Variants in CCDC77 observed in about 807,000 individuals in gnomAD.
CCDC77 encodes coiled-coil domain-containing protein 77.
CCDC77 carries 56 observed loss-of-function variants against 66.8 expected under a neutral mutation model. The observed-to-expected ratio is 0.84, with a 90% CI of 0.68 to 1.05. The LOEUF (loss-of-function observed/expected upper bound fraction) is 1.05, where lower values mean the gene tolerates loss of function less well. Ranked by LOEUF, CCDC77 falls within the 50% of genes least tolerant of loss-of-function variation. The probability of loss-of-function intolerance (pLI) is 0.00; values close to 1 mark genes in which losing one functional copy is unlikely to be tolerated. For synonymous variants in CCDC77, 196 were observed against 195.2 expected (o/e 1.00, Z -0.03); for missense variants, 570 against 576.8 (o/e 0.99, Z 0.12).
At position 411,745 on chromosome 12, in the gene CCDC77, A is replaced by C; in HGVS notation, c.39-2A>C. The C allele has an allele frequency of 6.2e-7, 1 of 1,608,798 alleles. No individual in the cohort carries two copies. Among genetic ancestry groups the C allele is most frequent in the Non-Finnish European group, 8.5e-7 (1 of 1,176,960 alleles). ...GAATATATCATTTCTAATTTCACGT[A>C]GGCGAACAGTTGTCTCCAAACGTGG... On this transcript the variant is annotated splice_acceptor_variant, in intron 3 of 12. Transcript: ENST00000239830. LOFTEE classifies it high-confidence loss of function.
intron 9 of CCDC77, among the ~76,000 whole-genome samples, chr12:436,020 A>G (rs11062974): frequency 0.057 from 8,677 of 151,886 alleles, 709 homozygotes; most frequent in African/African-American, 0.18. Flanking sequence ...GATTACAGAC[A>G]TGAGCCACTG....
At chr12:397,072 C>A (rs144327433), upstream of CCDC77, among the ~76,000 whole-genome samples, 1 of 152,126 alleles carries the variant, frequency 6.6e-6, no homozygotes, top group African/African-American at 2.4e-5. Context: ...TGTAACCACA[C>A]CCAGCTAATT....
rs59175701 is a variant in CCDC77, at chr12:428,438, C to G, written c.414-331C>G. ...AGGCAGGAGAATGGCGTGAACCCGGCAGGCGGAGGTTGCAGTGAGCCAAGA... is the reference window on the plus strand; with the variant it reads ...AGGCAGGAGAATGGCGTGAACCCGGGAGGCGGAGGTTGCAGTGAGCCAAGA... On this transcript the variant is annotated intron_variant, in intron 5 of 12. Coordinates refer to ENST00000239830, the MANE Select transcript of CCDC77 (RefSeq NM_032358.4). 4.4e-3 allele frequency among the ~76,000 whole-genome samples: 621 copies of G among 140,872 alleles called. 4 individuals are homozygous for G. The highest frequency in any genetic ancestry group is 0.014 in the African/African-American group (533 of 37,342). The allele number at this position is 140,872 out of a possible 152,430, so 92.4% of individuals were successfully genotyped here. A position where few individuals can be genotyped will look rare whatever the true frequency, so the allele number is the denominator to read the frequency against.
At chr12:417,912 A>G (rs1242033528) in intron 4 of CCDC77, among the ~76,000 whole-genome samples, 4 of 152,000 alleles carry the variant, frequency 2.6e-5, no homozygotes, top group African/African-American at 7.3e-5. Context: ...AAAAAAAAAA[A>G]GTGTGGATAG....
chr12:441,804 C>CTTGCCCTTCTGTGTGAG lies in CCDC77; in HGVS notation c.1352_1368dup (p.Val457LeufsTer21). ...AGTTAATGCCCGGGCAAACCAGGAT[C>CTTGCCCTTCTGTGTGAG]TTGCCCTTCTGTGTGAGGTCCGTGA... is the stretch of plus-strand genomic sequence containing the variant. On this transcript the variant is annotated frameshift_variant, in exon 13 of 13. Coordinates refer to ENST00000239830, the MANE Select transcript of CCDC77 (RefSeq NM_032358.4). LOFTEE classifies it high-confidence loss of function. 6.2e-7 allele frequency: 1 copy of CTTGCCCTTCTGTGTGAG among 1,606,176 alleles called. No individual in the cohort carries two copies. The highest frequency in any genetic ancestry group is 8.5e-7 in the Non-Finnish European group (1 of 1,177,258).
At chr12:408,079 A>G (rs940386815) in intron 2 of CCDC77, among the ~76,000 whole-genome samples, 3 of 151,816 alleles carry the variant, frequency 2.0e-5, no homozygotes, top group Non-Finnish European at 4.4e-5. Flanking sequence ...GAGCCACCGC[A>G]CCCGGCCACA....
At chr12:431,084 A>C (rs1002331014) in intron 7 of CCDC77, among the ~76,000 whole-genome samples, 1 of 151,500 alleles carries the variant, frequency 6.6e-6, no homozygotes, top group Non-Finnish European at 1.5e-5. Flanking sequence ...AAAAAAAAAA[A>C]ACAGAACACA....
upstream of CCDC77, among the ~76,000 whole-genome samples, chr12:396,807 G>C (rs181508425): frequency 6.6e-6 from 1 of 152,296 alleles, no homozygotes; most frequent in Non-Finnish European, 1.5e-5. Flanking sequence ...AGACAAATGG[G>C]GTCAGATAGC....
In CCDC77 at chr12:438,520, A is replaced by G. The variant is rs770105127; in HGVS notation, c.1007A>G (p.His336Arg). The G allele has an allele frequency of 1.2e-6, 2 of 1,613,738 alleles. No homozygotes were observed. Among genetic ancestry groups the G allele is most frequent in the Non-Finnish European group, 1.7e-6 (2 of 1,179,692 alleles). The change falls in exon 10 of 13, where the codon CAT becomes CGT. Residue 336 changes from histidine to arginine, a missense_variant. Coordinates refer to ENST00000239830, the MANE Select transcript of CCDC77 (RefSeq NM_032358.4). ...DKIGKVLPVM[H>R]ESHHAQSEYI... Reference sequence around the variant, plus strand: ...ATTGGAAAAGTGTTGCCCGTTATGCATGAGAGTCACCATGCTCAAAGTGAA... The same window carrying G: ...ATTGGAAAAGTGTTGCCCGTTATGCGTGAGAGTCACCATGCTCAAAGTGAA...
chr12:430,344 T>C (rs1429700083), intron 6 of CCDC77, among the ~76,000 whole-genome samples: 1 of 152,036 alleles, frequency 6.6e-6, no homozygotes, highest in Non-Finnish European at 1.5e-5. Context: ...CAGGTTGGAG[T>C]GCAGTGGAGT....
chr12:423,973 G>A (rs1945483835), intron 5 of CCDC77, among the ~76,000 whole-genome samples: 1 of 151,828 alleles, frequency 6.6e-6, no homozygotes, highest in East Asian at 1.9e-4. Flanking sequence ...TTTTGTTGTT[G>A]AGTTGAAGTT....
chr12:429,736 G>T (rs1945613951), intron 6 of CCDC77, among the ~76,000 whole-genome samples: 1 of 151,954 alleles, frequency 6.6e-6, no homozygotes, highest in Non-Finnish European at 1.5e-5. Flanking sequence ...TGGGATTACA[G>T]GCATGAGCCA....
In CCDC77 at chr12:413,842, G is replaced by A. The variant is rs576051755; in HGVS notation, c.270+1864G>A. On this transcript the variant is annotated intron_variant, in intron 4 of 12. Transcript: ENST00000239830. The stretch of plus-strand genomic sequence containing the variant: ...AGGGTTTCACTGTGTTGCCCAGGCT[G>A]GTCTCAAACACCTGAGTTCAGGCAA... Among the ~76,000 whole-genome samples, 14 of 150,776 alleles carry A rather than the reference G, an allele frequency of 9.3e-5. 1 individual carries two copies. The highest frequency in any genetic ancestry group is 3.4e-4 in the African/African-American group (14 of 40,660).
chr12:404,080 G>A lies in CCDC77; in HGVS notation c.-70-1431G>A, dbSNP rs1055184786. On this transcript the variant is annotated intron_variant, in intron 1 of 12. Coordinates refer to ENST00000239830, the MANE Select transcript of CCDC77 (RefSeq NM_032358.4). ...ACGCCTGTAATCCCAACACTGGCAG[G>A]CAGAGGTGGGTGGATCATCTGAGGT... Among the ~76,000 whole-genome samples the A allele has an allele frequency of 7.9e-5, 12 of 152,326 alleles. No homozygotes were observed. In the South Asian group the frequency reaches 1.4e-3, roughly 18 times the overall value.
At chr12:400,044 A>AACTTGCTGCGGCATCTACATCAGC (rs1944876382), upstream of CCDC77, among the ~76,000 whole-genome samples, 1 of 152,290 alleles carries the variant, frequency 6.6e-6, no homozygotes, top group Non-Finnish European at 1.5e-5. Flanking sequence ...TCTTCTGAAT[A>AACTTGCTGCGGCATCTACATCAGC]ACTTGCTGCG....
intron 1 of CCDC77, among the ~76,000 whole-genome samples, chr12:394,717 A>G (rs951143687): frequency 2.0e-5 from 3 of 152,232 alleles, no homozygotes; most frequent in African/African-American, 7.2e-5. Flanking sequence ...TGAATTGGAG[A>G]ATGACTCTTT....
intron 1 of CCDC77, among the ~76,000 whole-genome samples, chr12:392,599 G>T (rs1488882900): frequency 1.3e-5 from 2 of 152,010 alleles, no homozygotes; most frequent in Non-Finnish European, 2.9e-5. Context: ...ACAAAACTTA[G>T]CCGGGCGTAG....
chr12:438,102 A>G (rs1051499260), intron 9 of CCDC77, among the ~76,000 whole-genome samples: 3 of 152,216 alleles, frequency 2.0e-5, no homozygotes, highest in Non-Finnish European at 2.9e-5. Context: ...CACTCAGGAA[A>G]GTACCTGTAA....
rs11552171 is a variant in CCDC77 at position 389,363 on chromosome 12, T to C, written c.-236T>C. ...GCAGGAAACGGAATCCTTCCGCAGC[T>C]GCACGACGCCTGTGTGTCTGGCCTT... On this transcript the variant is annotated 5_prime_UTR_variant, in exon 1 of 12. Transcript: ENST00000422000. The C allele has an allele frequency of 9.4e-4, 570 of 605,472 alleles. 3 individuals carry two copies. The highest frequency in any genetic ancestry group is 6.1e-3 in the Middle Eastern group (22 of 3,596). 37.5% of individuals were successfully genotyped at this position (605,472 alleles called of 1,614,324 possible). A position where few individuals can be genotyped will look rare whatever the true frequency, so the allele number is the denominator to read the frequency against.
Sources: allele counts gnomAD v4.1 joint callset (sites outside exome capture counted in the v4.1 genomes callset), GRCh38; gene constraint gnomAD v4.1.1; transcripts MANE v1.5; gene names NCBI Gene and HGNC (gene_info 2026-07-23, HGNC 2026-07-21).